The following TECPR2 variants were observed in gnomAD, a reference collection of about 807,000 sequenced individuals.
TECPR2 encodes tectonin beta-propeller repeat containing 2, also known as tectonin beta-propeller repeat-containing protein 2.
TECPR2 carries 65 observed loss-of-function variants against 138.1 expected under a neutral mutation model. The observed-to-expected ratio is 0.47, with a 90% CI of 0.39 to 0.58. The LOEUF is 0.58. TECPR2 is among the 20% of genes least tolerant of loss of function. The probability of loss-of-function intolerance (pLI) is 0.00; values close to 1 mark genes in which losing one functional copy is unlikely to be tolerated. For missense variants in TECPR2, 1,553 were observed against 1,824.5 expected, an observed-to-expected ratio of 0.85 and a Z score of 2.71; for synonymous variants, 746 against 749.8, an observed-to-expected ratio of 0.99 and a Z score of 0.08.
chr14:102,374,399 A>G (rs1171252334), intron 1 of TECPR2, among the ~76,000 whole-genome samples: 1 of 152,012 alleles, frequency 6.6e-6, no homozygotes, highest in Non-Finnish European at 1.5e-5. Context: ...ACAGTGTCTC[A>G]CTCTGTCACT....
intron 10 of TECPR2, among the ~76,000 whole-genome samples, chr14:102,438,684 C>G (rs900788956): frequency 1.3e-5 from 2 of 152,106 alleles, no homozygotes; most frequent in African/African-American, 4.8e-5. Flanking sequence ...AATGAGCTCT[C>G]TGCTGTGGGT....
At chr14:102,365,460 G>A (rs1363608980) in intron 1 of TECPR2, among the ~76,000 whole-genome samples, 1 of 152,194 alleles carries the variant, frequency 6.6e-6, no homozygotes, top group African/African-American at 2.4e-5. Context: ...GTTATGGTGT[G>A]TGCAGGGACT....
chr14:102,465,415 C>G (rs1890532436), intron 17 of TECPR2, 126 bp downstream of exon 17: 1 of 1,453,136 alleles, frequency 6.9e-7, no homozygotes, highest in Non-Finnish European at 9.0e-7. Flanking sequence ...AGCCATGCCC[C>G]CAGGGTCTAC....
intron 2 of TECPR2, among the ~76,000 whole-genome samples, chr14:102,404,356 C>A (rs2139689558): frequency 1.3e-5 from 2 of 152,096 alleles, no homozygotes. Flanking sequence ...TCAGGAGAAC[C>A]TGAAAAGCCC....
chr14:102,495,993 G>A lies in TECPR2; in HGVS notation c.3790-986G>A, dbSNP rs183419074. On this transcript the variant is annotated intron_variant, in intron 17 of 19. Transcript: ENST00000359520. Reference sequence around the variant, plus strand: ...GGGCACTATGACAGGAGCACTGTGCGGCCAGAGTGTGGCACAGGGCATCCA... The same window carrying A: ...GGGCACTATGACAGGAGCACTGTGCAGCCAGAGTGTGGCACAGGGCATCCA... Among the ~76,000 whole-genome samples the A allele has an allele frequency of 3.7e-3, 563 of 152,350 alleles. 3 individuals are homozygous for A. The highest frequency in any genetic ancestry group is 6.2e-3 in the Non-Finnish European group (419 of 68,022).
rs565236204 is a variant in TECPR2, at chr14:102,428,222, G to GTTTTTTTTTTTTTTTTTTTTTTT, written c.952-6_952-5insTTTTTTTTTTTTTTTTTTTTTTT. 51 of 1,058,624 alleles carry GTTTTTTTTTTTTTTTTTTTTTTT rather than the reference G, an allele frequency of 4.8e-5. 1 individual carries two copies. Among genetic ancestry groups the GTTTTTTTTTTTTTTTTTTTTTTT allele is most frequent in the Admixed American group, 1.0e-4 (2 of 19,868 alleles). The allele number at this position is 1,058,624 out of a possible 1,614,324, so 65.6% of individuals were successfully genotyped here. On this transcript the variant is annotated intron_variant, in intron 6 of 19. Transcript: ENST00000359520. ...ACCGTTGTTTAGTTTTGTGTTTTTTGTTTTTTTTTTTTTTTTTTTTTTGAC... is the reference window on the plus strand; with the variant it reads ...ACCGTTGTTTAGTTTTGTGTTTTTTGTTTTTTTTTTTTTTTTTTTTTTTTTTTTTTTTTTTTTTTTTTTTTGAC...
At chr14:102,372,843 C>G (rs894661060) in intron 1 of TECPR2, among the ~76,000 whole-genome samples, 4 of 152,034 alleles carry the variant, frequency 2.6e-5, no homozygotes, top group Non-Finnish European at 4.4e-5. Flanking sequence ...TCACTTGAAC[C>G]CAGGAGGCGG....
At chr14:102,497,458 C>T (rs969495606) in intron 18 of TECPR2, 112 bp from the exon 19 acceptor site, 40 of 1,344,016 alleles carry the variant, frequency 3.0e-5, no homozygotes, top group Middle Eastern at 2.7e-4. Context: ...ATGGGCACTC[C>T]GTCCCCGCAG....
intron 2 of TECPR2, among the ~76,000 whole-genome samples, chr14:102,390,964 A>G (rs777899714): frequency 2.6e-5 from 4 of 152,194 alleles, no homozygotes; most frequent in Non-Finnish European, 5.9e-5. Flanking sequence ...GCAGGACGCT[A>G]AAAAGATTGA....
intron 7 of TECPR2, among the ~76,000 whole-genome samples, chr14:102,430,428 T>TG (rs989019960): frequency 1.5e-3 from 234 of 152,354 alleles, no homozygotes; most frequent in African/African-American, 5.4e-3. Flanking sequence ...CAGTCTCCAG[T>TG]GTACACTTCA....
intron 8 of TECPR2, 125 bp from the exon 9 acceptor site, chr14:102,434,110 T>C: frequency 1.2e-6 from 1 of 855,126 alleles, no homozygotes; most frequent in Non-Finnish European, 1.6e-6. Flanking sequence ...AGAGGTTTAT[T>C]CTTCATTCAC....
intron 2 of TECPR2, among the ~76,000 whole-genome samples, chr14:102,397,255 G>A (rs1402301832): frequency 2.0e-5 from 3 of 152,052 alleles, no homozygotes; most frequent in Non-Finnish European, 4.4e-5. Context: ...TTGAAAAGGG[G>A]AGGATCTGAT....
Position 102,425,126 on chromosome 14 carries a change from C to T in TECPR2, c.786C>T (p.Ala262=), listed in dbSNP as rs764422441. 8.7e-6 allele frequency: 14 copies of T among 1,613,974 alleles called. No homozygotes were observed. Among genetic ancestry groups the T allele is most frequent in the Admixed American group, 1.7e-5 (1 of 59,988 alleles). The part of the protein sequence containing the change: ...QATFILKDAF[A]GGVKPFELHP... The stretch of plus-strand genomic sequence containing the variant: ...CGTTTATCTTAAAAGATGCTTTTGC[C>T]GGGGGAGTCAAGCCTTTTGAACTGC... The change falls in exon 6 of 20, where the codon GCC becomes GCT. Residue 262 remains alanine (A), a synonymous_variant. Transcript: ENST00000359520.
intron 16 of TECPR2, among the ~76,000 whole-genome samples, chr14:102,457,686 A>G (rs953379059): frequency 2.0e-5 from 3 of 152,012 alleles, no homozygotes; most frequent in African/African-American, 7.2e-5. Flanking sequence ...ATTTAAAACC[A>G]ACCTGGCCAA....
In TECPR2 at chr14:102,500,734, T is replaced by C. The variant is rs1055076438; in HGVS notation, c.*2477T>C. On this transcript the variant is annotated 3_prime_UTR_variant, in exon 20 of 20. Transcript: ENST00000359520. ...CACATTATGGAAAGACCTCATTCTT[T>C]CCAAAGGAATTTATAGGTGTAGCTT... 3.3e-5 allele frequency: 5 copies of C among 152,236 alleles called. No individual in the cohort carries two copies. The highest frequency in any genetic ancestry group is 1.2e-4 in the African/African-American group (5 of 41,458). 9.4% of individuals were successfully genotyped at this position (152,236 alleles called of 1,614,324 possible).
Position 102,428,541 on chromosome 14 carries a change from G to A in TECPR2, c.1084+159G>A, listed in dbSNP as rs980006336. ...TTTGGGAGGCTGAGGTGGGTGGATC[G>A]CTTAAGCTCAGGACTTTAAGACCAG... On this transcript the variant is annotated intron_variant, in intron 7 of 19. Transcript: ENST00000359520. 3.9e-5 allele frequency among the ~76,000 whole-genome samples: 6 copies of A among 151,986 alleles called. No homozygotes were observed. The South Asian group carries it at 8.3e-4, about 21-fold the overall frequency.
chr14:102,447,741 G>T (rs1480368840), intron 13 of TECPR2, among the ~76,000 whole-genome samples: 1 of 152,010 alleles, frequency 6.6e-6, no homozygotes, highest in African/African-American at 2.4e-5. Flanking sequence ...CACCATGTTG[G>T]CCAGGTTGGT....
intron 17 of TECPR2, among the ~76,000 whole-genome samples, chr14:102,471,861 T>A (rs1890657731): frequency 6.6e-6 from 1 of 152,218 alleles, no homozygotes; most frequent in Non-Finnish European, 1.5e-5. Flanking sequence ...TTTCTTCTAT[T>A]TCCACTCTGT....
intron 17 of TECPR2, chr14:102,465,620 A>G (rs1890537117): frequency 9.9e-7 from 1 of 1,006,500 alleles, no homozygotes; most frequent in Non-Finnish European, 1.2e-6. Context: ...TATAATAATA[A>G]TGATAATAAA....
Sources: gnomAD v4.1 joint callset for allele counts (sites outside exome capture counted in the v4.1 genomes callset) on GRCh38, gnomAD v4.1.1 for gene constraint, MANE v1.5 for transcripts, NCBI Gene and HGNC (gene_info 2026-07-23, HGNC 2026-07-21) for gene names.